TENM2: variants seen among roughly 807,000 people sequenced by gnomAD.
TENM2 encodes teneurin transmembrane protein 2.
Under a neutral mutation model 245.2 loss-of-function variants are expected in TENM2, and 52 were observed. The observed-to-expected ratio is 0.21, with a 90% confidence interval of 0.17 to 0.27. The LOEUF (loss-of-function observed/expected upper bound fraction) is 0.27, where lower values mean the gene tolerates loss of function less well. Ranked by LOEUF, TENM2 falls within the 10% of genes least tolerant of loss-of-function variation. The probability of loss-of-function intolerance (pLI) is 1.00; values close to 1 mark genes in which losing one functional copy is unlikely to be tolerated. For missense variants in TENM2, 3,046 were observed against 3,666.8 expected (o/e 0.83, Z 4.37); for synonymous variants, 1,363 against 1,438.9 (o/e 0.95, Z 1.19).
rs540812476 is a variant in TENM2 at position 167,395,186 on chromosome 5, T to C, written c.502+19713T>C. Among the ~76,000 whole-genome samples, 8 of 152,270 alleles carry C rather than the reference T, an allele frequency of 5.3e-5. No individual in the cohort carries two copies. In the South Asian group the frequency reaches 1.7e-3, roughly 32 times the overall value. On this transcript the variant is annotated intron_variant, in intron 2 of 28. Coordinates refer to ENST00000518659, the Ensembl canonical transcript of TENM2. ...AATTTCTTTTATAAAAGTTTTATAG[T>C]TTTCACTGTACAAGTCGTTCACTGC...
the TENM2 span, among the ~76,000 whole-genome samples, chr5:166,979,669 T>G: frequency 1.3e-5 from 2 of 152,214 alleles, no homozygotes; most frequent in African/African-American, 4.8e-5. Context: ...TTGTGCAGTT[T>G]ACAACTTGTT....
At chr5:167,599,677 G>A (rs1023600349) in intron 2 of TENM2, among the ~76,000 whole-genome samples, 15 of 151,904 alleles carry the variant, frequency 9.9e-5, no homozygotes, top group African/African-American at 3.6e-4. Context: ...ATAGCCAGAT[G>A]GTTTTGTTGG....
At position 167,317,443 on chromosome 5, in the gene TENM2, C is replaced by G. The variant is rs541861935; in HGVS notation, c.226+32380C>G. Among the ~76,000 whole-genome samples the G allele has an allele frequency of 2.6e-4, 40 of 152,176 alleles. 1 individual carries two copies. The South Asian group carries it at 3.9e-3, about 15-fold the overall frequency. ...ACCATGAAAAGACCAACTCATCAAC[C>G]CTACAGTTAATCACTAAGAGAATTG... On this transcript the variant is annotated intron_variant, in intron 1 of 28. Coordinates refer to ENST00000518659, the Ensembl canonical transcript of TENM2.
At position 167,736,633 on chromosome 5, in the gene TENM2, T is replaced by C. The variant is rs1020926955; in HGVS notation, c.503-139353T>C. Among the ~76,000 whole-genome samples the C allele has an allele frequency of 3.3e-5, 5 of 149,584 alleles. 1 individual carries two copies. The East Asian group carries it at 9.9e-4, about 30-fold the overall frequency. ...ACCTTAAAAACTCGACTCTAATAAATGTGTTGGATTAGCAGCCAGTCACCT... is the reference window on the plus strand; with the variant it reads ...ACCTTAAAAACTCGACTCTAATAAACGTGTTGGATTAGCAGCCAGTCACCT... On this transcript the variant is annotated intron_variant, in intron 2 of 28. Transcript: ENST00000518659.
At chr5:167,518,209 T>G (rs2127578704) in intron 2 of TENM2, among the ~76,000 whole-genome samples, 1 of 152,156 alleles carries the variant, frequency 6.6e-6, no homozygotes, top group East Asian at 1.9e-4. Flanking sequence ...TCCTCTTCTA[T>G]CCCTTGTTCA....
intron 6 of TENM2, among the ~76,000 whole-genome samples, chr5:168,057,034 G>A (rs1178063995): frequency 6.6e-6 from 1 of 151,978 alleles, no homozygotes; most frequent in African/African-American, 2.4e-5. Flanking sequence ...AGTGACTCAT[G>A]ACTGTATATA....
intron 2 of TENM2, among the ~76,000 whole-genome samples, chr5:167,524,871 C>T (rs139924132): frequency 2.5e-3 from 386 of 151,514 alleles, no homozygotes; most frequent in African/African-American, 8.1e-3. Flanking sequence ...AAAGAAATGC[C>T]AGTTCTCTCT....
chr5:167,759,066 A>G (rs1449547432), intron 2 of TENM2, among the ~76,000 whole-genome samples: 3 of 150,420 alleles, frequency 2.0e-5, no homozygotes, highest in African/African-American at 7.4e-5. Flanking sequence ...CATAGACTCA[A>G]CATCTTGGGT....
chr5:167,757,593 T>C (rs1398558870), intron 2 of TENM2, among the ~76,000 whole-genome samples: 1 of 152,186 alleles, frequency 6.6e-6, no homozygotes, highest in African/African-American at 2.4e-5. Flanking sequence ...TTATAATCCT[T>C]TGGGTATATG....
chr5:167,816,036 A>G (rs1561813051), intron 2 of TENM2, among the ~76,000 whole-genome samples: 1 of 151,826 alleles, frequency 6.6e-6, no homozygotes, highest in Non-Finnish European at 1.5e-5. Flanking sequence ...AGAATAACTC[A>G]GAAAGAGAGA....
At chr5:167,804,678 A>G (rs1005176408) in intron 2 of TENM2, among the ~76,000 whole-genome samples, 1 of 152,136 alleles carries the variant, frequency 6.6e-6, no homozygotes, top group Non-Finnish European at 1.5e-5. Flanking sequence ...GGATCAAACC[A>G]AGACCTGTCT....
chr5:168,203,446 G>A (rs967133198), intron 17 of TENM2, among the ~76,000 whole-genome samples: 1 of 152,184 alleles, frequency 6.6e-6, no homozygotes, highest in Admixed American at 6.5e-5. Context: ...CATTGGAAAG[G>A]TCTTTCCATT....
At chr5:167,034,345 T>C in the TENM2 span, among the ~76,000 whole-genome samples, 1 of 144,342 alleles carries the variant, frequency 6.9e-6, no homozygotes, top group Non-Finnish European at 1.5e-5. Context: ...TGTGAAATTA[T>C]TTTGGCCGGG....
the TENM2 span, among the ~76,000 whole-genome samples, chr5:167,154,759 G>C: frequency 6.6e-6 from 1 of 152,020 alleles, no homozygotes; most frequent in East Asian, 1.9e-4. Flanking sequence ...TTCCCGAATT[G>C]CCTTATTTTT....
chr5:168,155,984 GTC>G (rs1033803200), intron 12 of TENM2, among the ~76,000 whole-genome samples: 2 of 147,918 alleles, frequency 1.4e-5, no homozygotes, highest in African/African-American at 2.5e-5. Context: ...TTTCTTGAAT[GTC>G]TGTTACGTGC....
chr5:167,133,759 A>G, the TENM2 span, among the ~76,000 whole-genome samples: 3 of 151,734 alleles, frequency 2.0e-5, no homozygotes, highest in Non-Finnish European at 2.9e-5. Context: ...CTCAACTTAC[A>G]CTTGTGTCAT....
the TENM2 span, among the ~76,000 whole-genome samples, chr5:167,048,871 C>G: frequency 3.9e-5 from 6 of 152,096 alleles, no homozygotes; most frequent in Non-Finnish European, 8.8e-5. Flanking sequence ...AGCTATTATT[C>G]CAATAAAGAT....
the TENM2 span, among the ~76,000 whole-genome samples, chr5:167,205,812 C>G: frequency 6.6e-6 from 1 of 152,144 alleles, no homozygotes; most frequent in Non-Finnish European, 1.5e-5. Flanking sequence ...GGGAAAGGAT[C>G]TACTTCCAAA....
the TENM2 span, among the ~76,000 whole-genome samples, chr5:167,170,217 G>T: frequency 6.6e-6 from 1 of 152,174 alleles, no homozygotes; most frequent in Non-Finnish European, 1.5e-5. Context: ...TGTTTCTTTT[G>T]AATTCCCTCT....
Sources: allele counts gnomAD v4.1 joint callset (sites outside exome capture counted in the v4.1 genomes callset), GRCh38; gene constraint gnomAD v4.1.1; transcripts MANE v1.5; gene names NCBI Gene and HGNC (gene_info 2026-07-23, HGNC 2026-07-21).